The following TMC5 variants were observed in gnomAD, a reference collection of about 807,000 sequenced individuals.
TMC5 encodes transmembrane channel-like protein 5.
A neutral mutation model predicts 110.5 loss-of-function variants in TMC5; 86 were observed. That is an observed-to-expected ratio of 0.78 (90% CI 0.65 to 0.93). The LOEUF (loss-of-function observed/expected upper bound fraction) is 0.93, where lower values mean the gene tolerates loss of function less well. Among genes scored for constraint, TMC5 ranks in the 40% least tolerant of loss-of-function variants. The probability of loss-of-function intolerance (pLI) is 0.00; values close to 1 mark genes in which losing one functional copy is unlikely to be tolerated. For synonymous variants in TMC5, 455 were observed against 439.5 expected (o/e 1.04, Z -0.44); for missense variants, 1,144 against 1,222.8 (o/e 0.94, Z 0.96).
intron 17 of TMC5, among the ~76,000 whole-genome samples, chr16:19,489,814 G>T (rs1968842773): frequency 6.6e-6 from 1 of 151,008 alleles, no homozygotes; most frequent in Admixed American, 6.6e-5. Flanking sequence ...TTTCAGACAG[G>T]GTCTTGCTCT....
intron 3 of TMC5, among the ~76,000 whole-genome samples, chr16:19,441,133 C>T (rs527907786): frequency 6.6e-6 from 1 of 152,266 alleles, no homozygotes; most frequent in East Asian, 1.9e-4. Context: ...TTTGACCCTG[C>T]TACGTAGCCA....
chr16:19,474,222 G>C lies in TMC5; in HGVS notation c.2036G>C (p.Arg679Thr). Reference sequence around the variant, plus strand: ...GTGCCATGCATCTACTCCATGTTCAGGCTTGTGGAGAGGTACGAGATGCCA... The same window carrying C: ...GTGCCATGCATCTACTCCATGTTCACGCTTGTGGAGAGGTACGAGATGCCA... ...LAVPCIYSMF[R>T]LVERYEMPRH... Residue 679 changes from arginine to threonine, a missense_variant, in exon 12 of 22, where the codon AGG (arginine) becomes ACG (threonine). By Grantham distance (71) the Arg-to-Thr change is moderately conservative (BLOSUM62 -1). Transcript: ENST00000542583. The C allele has an allele frequency of 6.2e-7, 1 of 1,614,112 alleles. No individual in the cohort carries two copies. The highest frequency in any genetic ancestry group is 1.1e-5 in the South Asian group (1 of 91,078).
At chr16:19,416,527 G>C (rs11865429), upstream of TMC5, among the ~76,000 whole-genome samples, 594 of 152,344 alleles carry the variant, frequency 3.9e-3, 5 homozygotes, top group African/African-American at 0.014. Context: ...AATGTTAACT[G>C]ATGTAGCCCT....
intron 1 of TMC5, among the ~76,000 whole-genome samples, chr16:19,418,753 T>C (rs1440711920): frequency 2.9e-5 from 4 of 136,424 alleles, no homozygotes; most frequent in African/African-American, 7.9e-5. Flanking sequence ...TTCGAGACAA[T>C]ATCTCACTCT....
chr16:19,453,011 T>TATTA (rs71375640), intron 5 of TMC5, among the ~76,000 whole-genome samples: 34 of 145,484 alleles, frequency 2.3e-4, no homozygotes, highest in Non-Finnish European at 4.2e-4. Context: ...TATATATATA[T>TATTA]TATATATATA....
chr16:19,469,624 G>A, intron 9 of TMC5, 57 bp from the exon 10 acceptor site: 1 of 1,605,080 alleles, frequency 6.2e-7, no homozygotes, highest in Non-Finnish European at 8.5e-7. Flanking sequence ...TTGAAGCCCT[G>A]CACTCCCAGT....
Position 19,464,042 on chromosome 16 carries a change from C to G in TMC5, c.1485+18C>G, listed in dbSNP as rs1567313969. ...CTGGGGTGGTAAGTCCTCCACTTCC[C>G]CTACCCCAAGTGCACCAATCACCTC... On this transcript the variant is annotated intron_variant, in intron 8 of 21. Coordinates refer to ENST00000542583, the MANE Select transcript of TMC5 (RefSeq NM_001261841.2). 1.2e-6 allele frequency: 2 copies of G among 1,611,072 alleles called. No homozygotes were observed. The highest frequency in any genetic ancestry group is 4.5e-5 in the East Asian group (2 of 44,840).
intron 5 of TMC5, among the ~76,000 whole-genome samples, chr16:19,449,902 G>T (rs1210082696): frequency 2.0e-5 from 3 of 152,050 alleles, no homozygotes; most frequent in Admixed American, 2.0e-4. Flanking sequence ...CCTGAGAAAT[G>T]CCCCCCAGCC....
At chr16:19,496,487 T>A (rs1969055660) in intron 20 of TMC5, among the ~76,000 whole-genome samples, 1 of 152,142 alleles carries the variant, frequency 6.6e-6, no homozygotes, top group Non-Finnish European at 1.5e-5. Flanking sequence ...AGGTAAGGGA[T>A]CTAGAGGCCT....
At position 19,477,489 on chromosome 16, in the gene TMC5, C is replaced by G. The variant is rs537835708; in HGVS notation, c.2140C>G (p.Leu714Val). The change falls in exon 13 of 22, where the codon CTC becomes GTC. Residue 714 changes from leucine to valine, a missense_variant. Physicochemically the swap from Leu to Val is conservative, Grantham distance 32. Transcript: ENST00000542583. ...SIIGILCYYW[L>V]NTVALSGEEC... ...CATTGGCATTCTTTGTTACTATTGGCTCAACACCGTGGCCCTGTCTGGTGA... is the reference window on the plus strand; with the variant it reads ...CATTGGCATTCTTTGTTACTATTGGGTCAACACCGTGGCCCTGTCTGGTGA... The G allele has an allele frequency of 6.2e-7, 1 of 1,612,516 alleles. No homozygotes were observed. The highest frequency in any genetic ancestry group is 1.3e-5 in the African/African-American group (1 of 74,974).
At chr16:19,486,868 C>A in intron 15 of TMC5, 77 bp from the exon 16 acceptor site, 1 of 1,297,432 alleles carries the variant, frequency 7.7e-7, no homozygotes, top group Non-Finnish European at 1.1e-6. Context: ...TCTTTCTCTT[C>A]CCCCCAACCA....
intron 4 of TMC5, among the ~76,000 whole-genome samples, chr16:19,446,512 C>A (rs1015010980): frequency 1.3e-5 from 2 of 152,218 alleles, no homozygotes; most frequent in Admixed American, 6.5e-5. Flanking sequence ...GAGTCTCTGT[C>A]CAGCACTTGA....
chr16:19,438,203 G>A (rs540533800), intron 2 of TMC5, among the ~76,000 whole-genome samples: 27 of 151,748 alleles, frequency 1.8e-4, no homozygotes, highest in Admixed American at 1.1e-3. Context: ...ATCAGCCTGG[G>A]CAACAACATA....
intron 5 of TMC5, chr16:19,456,629 A>G (rs1241855270): frequency 1.3e-6 from 2 of 1,530,196 alleles, no homozygotes; most frequent in South Asian, 1.3e-5. Flanking sequence ...GCGAGTCCCA[A>G]TCAATGCGGG....
intron 2 of TMC5, among the ~76,000 whole-genome samples, chr16:19,436,926 C>G (rs1967362934): frequency 6.6e-6 from 1 of 152,170 alleles, no homozygotes; most frequent in East Asian, 1.9e-4. Context: ...CACCTGTAAT[C>G]CTAGCACTTT....
At chr16:19,490,961 C>CTCCCT (rs1555486685) in intron 18 of TMC5, among the ~76,000 whole-genome samples, 1 of 80,412 alleles carries the variant, frequency 1.2e-5, no homozygotes, top group East Asian at 3.7e-4. Flanking sequence ...TCCCCTTCCC[C>CTCCCT]TCCCTTCCCT....
intron 5 of TMC5, among the ~76,000 whole-genome samples, chr16:19,454,090 C>A (rs1268418903): frequency 3.3e-5 from 5 of 152,060 alleles, no homozygotes; most frequent in Non-Finnish European, 7.4e-5. Context: ...CTCTGTCCCC[C>A]AGGCTGGAGT....
Position 19,479,492 on chromosome 16 carries a change from C to G in TMC5, c.2231C>G (p.Ser744Cys), listed in dbSNP as rs1452081483. The G allele has an allele frequency of 6.2e-6, 10 of 1,614,044 alleles. No homozygotes were observed. Among genetic ancestry groups the G allele is most frequent in the African/African-American group, 1.3e-5 (1 of 75,018 alleles). Residue 744 changes from serine (S) to cysteine (C), a missense_variant, in exon 14 of 22, where the codon TCT (serine) becomes TGT (cysteine). Coordinates refer to ENST00000542583, the MANE Select transcript of TMC5 (RefSeq NM_001261841.2). ...YRLLLMDFVF[S>C]LVNSFLGEFL... is the part of the protein sequence containing the mutation. ...CTCCTTCTGATGGATTTTGTGTTCTCTTTAGTCAATTCCTTCCTGGGGGAG... is the reference window on the plus strand; with the variant it reads ...CTCCTTCTGATGGATTTTGTGTTCTGTTTAGTCAATTCCTTCCTGGGGGAG...
At chr16:19,476,499 C>A (rs1259527709) in intron 12 of TMC5, among the ~76,000 whole-genome samples, 2 of 152,120 alleles carry the variant, frequency 1.3e-5, no homozygotes, top group Non-Finnish European at 2.9e-5. Context: ...TCTCACTGCA[C>A]CCCATAACCT....
Sources: allele counts gnomAD v4.1 joint callset (sites outside exome capture counted in the v4.1 genomes callset), GRCh38; gene constraint gnomAD v4.1.1; transcripts MANE v1.5; gene names NCBI Gene and HGNC (gene_info 2026-07-23, HGNC 2026-07-21).